TMEM163: variants seen among roughly 807,000 people sequenced by gnomAD.
TMEM163 encodes the protein transmembrane protein 163.
In TMEM163, 17 loss-of-function variants were observed where a neutral mutation model predicts 29.3. That is an observed-to-expected ratio of 0.58 (90% CI 0.40 to 0.87). The LOEUF is 0.87. Ranked by LOEUF, TMEM163 falls within the 40% of genes least tolerant of loss-of-function variation. The pLI is 0.00. For missense variants in TMEM163, 303 were observed against 381.5 expected, an observed-to-expected ratio of 0.79 and a Z score of 1.71; for synonymous variants, 157 against 160.6, an observed-to-expected ratio of 0.98 and a Z score of 0.17.
chr2:134,468,656 G>T (rs1422104685), intron 5 of TMEM163: 1 of 152,282 alleles, frequency 6.6e-6, no homozygotes, highest in Non-Finnish European at 1.5e-5. Flanking sequence ...GCTCCATTCA[G>T]TCGCTGTTTG....
At chr2:134,680,816 C>T (rs1339478450) in intron 2 of TMEM163, among the ~76,000 whole-genome samples, 2 of 152,144 alleles carry the variant, frequency 1.3e-5, no homozygotes, top group African/African-American at 2.4e-5. Flanking sequence ...CCAGCTTCGC[C>T]ACGTGTCAGC....
At chr2:134,658,609 A>AT (rs60582302) in intron 2 of TMEM163, among the ~76,000 whole-genome samples, 12,721 of 151,450 alleles carry the variant, frequency 0.084, 606 homozygotes, top group South Asian at 0.16. Context: ...ATATATATAT[A>AT]TTTTTTGAGA....
At chr2:134,552,137 C>A in intron 2 of TMEM163, 46 bp from the exon 3 acceptor site, 1 of 1,497,590 alleles carries the variant, frequency 6.7e-7, no homozygotes, top group South Asian at 1.2e-5. Context: ...AAACCTCTCT[C>A]ATTTTTGAGT....
At chr2:134,481,099 G>A (rs1687042835) in intron 5 of TMEM163, among the ~76,000 whole-genome samples, 1 of 152,160 alleles carries the variant, frequency 6.6e-6, no homozygotes, top group African/African-American at 2.4e-5. Flanking sequence ...TTTGGTGGGG[G>A]AGGGGGACTT....
At chr2:134,650,544 GTTTT>G (rs1198023151) in intron 2 of TMEM163, among the ~76,000 whole-genome samples, 3 of 143,224 alleles carry the variant, frequency 2.1e-5, no homozygotes, top group African/African-American at 8.5e-5. Context: ...TTTGTTTTTT[GTTTT>G]TTTATTATAC....
At chr2:134,524,269 C>T (rs958283404) in intron 4 of TMEM163, among the ~76,000 whole-genome samples, 3 of 152,218 alleles carry the variant, frequency 2.0e-5, no homozygotes, top group Admixed American at 6.5e-5. Flanking sequence ...GGGTCCCACA[C>T]TCAGCCATAG....
At position 134,460,470 on chromosome 2, in the gene TMEM163, C is replaced by CT; in HGVS notation, c.668-2298dup. 6.6e-6 allele frequency among the ~76,000 whole-genome samples: 1 copy of CT among 152,202 alleles called. No homozygotes were observed. Among genetic ancestry groups the CT allele is most frequent in the East Asian group, 1.9e-4 (1 of 5,194 alleles). On this transcript the variant is annotated intron_variant, in intron 6 of 7. Transcript: ENST00000281924. This position sits in a 1 kb window ranked among gnomAD's most constrained non-coding sequence, Gnocchi z 4.3. ...GGAAACCTAAGCTTAAGGACAGGAA[C>CT]TTTGTCTCTCCTTGCAGTATTCGAA...
At chr2:134,514,612 T>G (rs143755871) in intron 4 of TMEM163, among the ~76,000 whole-genome samples, 1 of 152,008 alleles carries the variant, frequency 6.6e-6, no homozygotes, top group Non-Finnish European at 1.5e-5. Flanking sequence ...AGGCGATGAG[T>G]GGTCGTCAAA....
intron 5 of TMEM163, among the ~76,000 whole-genome samples, chr2:134,470,403 A>G (rs1012735389): frequency 6.6e-6 from 1 of 151,806 alleles, no homozygotes; most frequent in African/African-American, 2.4e-5. Flanking sequence ...GGGGTCAAAC[A>G]GGGCCCGGCA....
intron 2 of TMEM163, among the ~76,000 whole-genome samples, chr2:134,618,680 C>CA (rs565255329): frequency 1.5e-4 from 23 of 151,744 alleles, no homozygotes; most frequent in Non-Finnish European, 2.9e-4. Context: ...CTTCTAACTA[C>CA]AAAAAAATCC....
chr2:134,652,209 C>G (rs1256269438), intron 2 of TMEM163, among the ~76,000 whole-genome samples: 1 of 85,372 alleles, frequency 1.2e-5, no homozygotes, highest in Middle Eastern at 3.7e-3. Context: ...TTTGTATCCT[C>G]TTTTATTTCC....
chr2:134,600,641 TA>T (rs1682205609), intron 2 of TMEM163, among the ~76,000 whole-genome samples: 1 of 152,180 alleles, frequency 6.6e-6, no homozygotes, highest in South Asian at 2.1e-4. Context: ...ATGGGGTCAT[TA>T]GGGGGAATAG....
chr2:134,482,812 T>C (rs1679223974), intron 5 of TMEM163, among the ~76,000 whole-genome samples: 1 of 152,140 alleles, frequency 6.6e-6, no homozygotes, highest in South Asian at 2.1e-4. Context: ...TTTTGATGTC[T>C]GGAGGGTCAA....
chr2:134,532,325 C>T (rs539464932), intron 4 of TMEM163, among the ~76,000 whole-genome samples: 2 of 152,326 alleles, frequency 1.3e-5, no homozygotes, highest in African/African-American at 4.8e-5. Flanking sequence ...ACACAACAAG[C>T]CCCAAGTGCT....
intron 2 of TMEM163, among the ~76,000 whole-genome samples, chr2:134,695,086 AT>A (rs1245307816): frequency 6.6e-6 from 1 of 152,028 alleles, no homozygotes; most frequent in Non-Finnish European, 1.5e-5. Context: ...GGAAAAAAAA[AT>A]TTTTTTTGAG....
chr2:134,682,992 T>C (rs1052164940), intron 2 of TMEM163, among the ~76,000 whole-genome samples: 1 of 152,078 alleles, frequency 6.6e-6, no homozygotes, highest in Admixed American at 6.5e-5. Flanking sequence ...TAAACGCATA[T>C]TGCAAAGAGA....
intron 2 of TMEM163, among the ~76,000 whole-genome samples, chr2:134,580,758 C>T (rs1681673401): frequency 1.3e-5 from 2 of 152,094 alleles, no homozygotes; most frequent in African/African-American, 4.8e-5. Context: ...CCAAAAAATA[C>T]AAAAATTAGC....
intron 2 of TMEM163, among the ~76,000 whole-genome samples, chr2:134,672,335 A>T (rs983386451): frequency 2.0e-4 from 30 of 152,342 alleles, no homozygotes; most frequent in African/African-American, 7.0e-4. Flanking sequence ...AGGCTCTATG[A>T]TATGCATAGG....
chr2:134,497,028 G>A (rs72982253), intron 5 of TMEM163, among the ~76,000 whole-genome samples: 2 of 152,094 alleles, frequency 1.3e-5, no homozygotes, highest in Admixed American at 1.3e-4. Context: ...GTCGCATGGA[G>A]TGTCTGCTTA....
Sources: gnomAD v4.1 joint callset for allele counts (sites outside exome capture counted in the v4.1 genomes callset) on GRCh38, gnomAD v4.1.1 for gene constraint, Gnocchi (gnomAD v3.1) non-coding constraint, MANE v1.5 for transcripts, NCBI Gene and HGNC (gene_info 2026-07-23, HGNC 2026-07-21) for gene names.